Variants in TLL2 observed in about 807,000 individuals in gnomAD.
TLL2 encodes tolloid-like protein 2.
Under a neutral mutation model 123.0 loss-of-function variants are expected in TLL2, and 106 were observed. The observed-to-expected ratio is 0.86, with a 90% CI of 0.74 to 1.01. The LOEUF is 1.01. Ranked by LOEUF, TLL2 falls within the 50% of genes least tolerant of loss-of-function variation. TLL2 has a pLI of 0.00. For synonymous variants in TLL2, 494 were observed against 516.8 expected, an observed-to-expected ratio of 0.96 and a Z score of 0.60; for missense variants, 1,332 against 1,336.7, an observed-to-expected ratio of 1.00 and a Z score of 0.06.
At chr10:96,459,797 A>T (rs2134093898) in intron 2 of TLL2, among the ~76,000 whole-genome samples, 1 of 143,894 alleles carries the variant, frequency 6.9e-6, no homozygotes, top group East Asian at 2.0e-4. Flanking sequence ...ATAAAAACAC[A>T]CTCTCTGATA....
At chr10:96,496,868 T>C (rs1282162977) in intron 1 of TLL2, among the ~76,000 whole-genome samples, 1 of 152,240 alleles carries the variant, frequency 6.6e-6, no homozygotes. Flanking sequence ...AGGTGACTTC[T>C]TGGACCCATA....
chr10:96,372,953 G>A (rs184294228), intron 19 of TLL2, among the ~76,000 whole-genome samples: 1 of 152,080 alleles, frequency 6.6e-6, no homozygotes, highest in Admixed American at 6.5e-5. Flanking sequence ...GCCTCCCAAA[G>A]TTCTGGGATT....
At chr10:96,402,087 C>T (rs925001718) in intron 10 of TLL2, among the ~76,000 whole-genome samples, 1 of 152,150 alleles carries the variant, frequency 6.6e-6, no homozygotes, top group African/African-American at 2.4e-5. Context: ...ATGTCTCTGC[C>T]AGGTTGCAGG....
At chr10:96,469,952 C>T (rs896660753) in intron 2 of TLL2, among the ~76,000 whole-genome samples, 8 of 151,988 alleles carry the variant, frequency 5.3e-5, no homozygotes, top group East Asian at 3.9e-4. Context: ...AAGTTCTGAC[C>T]GGTGGGAGCC....
Position 96,513,875 on chromosome 10 carries a change from A to G in TLL2, c.-190T>C. ...GTCTTCGTCGAGGCAACCGGGAAGC[A>G]GCCGCTCGGAGCTACTTGCCCGGCG... is the stretch of plus-strand genomic sequence containing the variant. On this transcript the variant is annotated 5_prime_UTR_variant, in exon 1 of 21. Coordinates refer to ENST00000357947, the MANE Select transcript of TLL2 (RefSeq NM_012465.4). 1 of 578,826 alleles carries G rather than the reference A, an allele frequency of 1.7e-6. No homozygotes were observed. The highest frequency in any genetic ancestry group is 2.8e-6 in the Non-Finnish European group (1 of 358,200). The allele number at this position is 578,826 out of a possible 1,614,324, so 35.9% of individuals were successfully genotyped here. A position where few individuals can be genotyped will look rare whatever the true frequency, so the allele number is the denominator to read the frequency against.
intron 15 of TLL2, among the ~76,000 whole-genome samples, chr10:96,385,143 G>A (rs1474871852): frequency 1.3e-5 from 2 of 152,316 alleles, no homozygotes; most frequent in East Asian, 3.9e-4. Flanking sequence ...GGAGAAGCAA[G>A]AGGAAGAGGA....
At chr10:96,488,506 G>T (rs1470445192) in intron 1 of TLL2, among the ~76,000 whole-genome samples, 1 of 152,192 alleles carries the variant, frequency 6.6e-6, no homozygotes, top group Non-Finnish European at 1.5e-5. Context: ...CTTGCCCCAG[G>T]ATCCCATGGA....
intron 2 of TLL2, among the ~76,000 whole-genome samples, chr10:96,462,955 A>G (rs531940202): frequency 1.3e-5 from 2 of 152,264 alleles, no homozygotes; most frequent in Non-Finnish European, 2.9e-5. Flanking sequence ...TGAAACAAGA[A>G]GGCAGATCAT....
At chr10:96,404,716 A>ATT (rs1295339920) in intron 10 of TLL2, among the ~76,000 whole-genome samples, 9 of 152,130 alleles carry the variant, frequency 5.9e-5, no homozygotes, top group South Asian at 2.1e-4. Flanking sequence ...CAATGCCTGC[A>ATT]TTATATATAT....
intron 2 of TLL2, among the ~76,000 whole-genome samples, chr10:96,456,271 A>C (rs1413802306): frequency 6.6e-6 from 1 of 152,220 alleles, no homozygotes; most frequent in Non-Finnish European, 1.5e-5. Context: ...GGCAAGACAA[A>C]AGGTCACCTT....
chr10:96,415,199 T>C (rs528002641), intron 7 of TLL2, among the ~76,000 whole-genome samples: 13 of 152,220 alleles, frequency 8.5e-5, no homozygotes, highest in Non-Finnish European at 1.5e-4. Context: ...AAAAGAATAC[T>C]TAACAAGAAT....
At position 96,366,440 on chromosome 10, in the gene TLL2, T is replaced by C. The variant is rs780582715; in HGVS notation, c.*1648A>G. On this transcript the variant is annotated 3_prime_UTR_variant, in exon 21 of 21. Transcript: ENST00000357947. ...AGGCTTTGACAGCTGATCTTTTACA[T>C]ACATACATATATACAGACATATATT... 9 of 152,670 alleles carry C rather than the reference T, an allele frequency of 5.9e-5. No individual in the cohort carries two copies. Among genetic ancestry groups the C allele is most frequent in the Admixed American group, 1.3e-4 (2 of 15,286 alleles). The allele number at this position is 152,670 out of a possible 1,614,324, so 9.5% of individuals were successfully genotyped here.
At chr10:96,465,760 C>A (rs150297171) in intron 2 of TLL2, among the ~76,000 whole-genome samples, 2 of 152,204 alleles carry the variant, frequency 1.3e-5, no homozygotes, top group African/African-American at 4.8e-5. Flanking sequence ...CTGAAGTGAA[C>A]GGGGTTGGGT....
At chr10:96,510,446 T>C (rs1277019593) in intron 1 of TLL2, among the ~76,000 whole-genome samples, 1 of 152,170 alleles carries the variant, frequency 6.6e-6, no homozygotes, top group African/African-American at 2.4e-5. Flanking sequence ...ATCAAATAGA[T>C]TGTCTATTAG....
intron 10 of TLL2, among the ~76,000 whole-genome samples, chr10:96,398,379 C>T (rs1846360226): frequency 6.6e-6 from 1 of 152,166 alleles, no homozygotes; most frequent in Admixed American, 6.5e-5. Context: ...TAGATGCCCC[C>T]CGCCACCACC....
At chr10:96,486,733 C>A (rs965855955) in intron 1 of TLL2, among the ~76,000 whole-genome samples, 26 of 152,196 alleles carry the variant, frequency 1.7e-4, no homozygotes, top group Admixed American at 3.9e-4. Flanking sequence ...TAGAGAGCAC[C>A]CCTGGGAAGT....
rs776641334 is a variant in TLL2, at chr10:96,420,965, G to T, written c.914C>A (p.Thr305Asn). Residue 305 changes from threonine (T) to asparagine (N), a missense_variant, in exon 7 of 21, where the codon ACC becomes AAC. By Grantham distance (65) the Thr-to-Asn change is moderately conservative. Transcript: ENST00000357947. ...FDSIMHYARN[T>N]FSRGVFLDTI... The stretch of plus-strand genomic sequence containing the variant: ...AAGCATAGATTCCGACCTTGAGAAG[G>T]TGTTCCGGGCGTAGTGCATGATGCT... 2 of 1,614,014 alleles carry T rather than the reference G, an allele frequency of 1.2e-6. No individual in the cohort carries two copies. The highest frequency in any genetic ancestry group is 1.7e-6 in the Non-Finnish European group (2 of 1,179,928).
chr10:96,413,796 C>T (rs976788739), intron 7 of TLL2, among the ~76,000 whole-genome samples: 10 of 151,986 alleles, frequency 6.6e-5, no homozygotes, highest in Non-Finnish European at 1.3e-4. Context: ...ATTGGTGGTC[C>T]CAGTTTGGAG....
At chr10:96,378,462 G>A (rs1480634933) in intron 17 of TLL2, among the ~76,000 whole-genome samples, 3 of 152,244 alleles carry the variant, frequency 2.0e-5, no homozygotes, top group African/African-American at 7.2e-5. Flanking sequence ...ATTTTCCAAT[G>A]GGACCTGCAT....
Sources: allele counts gnomAD v4.1 joint callset (sites outside exome capture counted in the v4.1 genomes callset), GRCh38; gene constraint gnomAD v4.1.1; transcripts MANE v1.5; gene names NCBI Gene and HGNC (gene_info 2026-07-23, HGNC 2026-07-21).